NAV2: variants seen among roughly 807,000 people sequenced by gnomAD.
NAV2 encodes the protein helicase, APC down-regulated 1.
Under a neutral mutation model 223.2 loss-of-function variants are expected in NAV2, and 54 were observed. The observed-to-expected ratio is 0.24, with a 90% CI of 0.19 to 0.30. The LOEUF (loss-of-function observed/expected upper bound fraction) is 0.30. NAV2 is among the 10% of genes least tolerant of loss of function. The pLI is 1.00. For missense variants in NAV2, 2,806 were observed against 3,147.5 expected, an observed-to-expected ratio of 0.89 and a Z score of 2.60; for synonymous variants, 1,279 against 1,239.3, an observed-to-expected ratio of 1.03 and a Z score of -0.67.
intron 1 of NAV2, among the ~76,000 whole-genome samples, chr11:19,803,242 T>G (rs1192503815): frequency 1.3e-5 from 2 of 152,220 alleles, no homozygotes; most frequent in African/African-American, 4.8e-5. Context: ...GAATCACCAG[T>G]TTATCTGTTG....
intron 1 of NAV2, among the ~76,000 whole-genome samples, chr11:19,625,155 G>T (rs1410459546): frequency 6.6e-6 from 1 of 152,138 alleles, no homozygotes; most frequent in African/African-American, 2.4e-5. Context: ...TAGAACACTA[G>T]ACTTTATTTT....
At chr11:19,419,463 C>G (rs1850520030) in intron 1 of NAV2, among the ~76,000 whole-genome samples, 1 of 152,186 alleles carries the variant, frequency 6.6e-6, no homozygotes. Context: ...GAGGAGGTTG[C>G]TGCAGCAATC....
intron 7 of NAV2, among the ~76,000 whole-genome samples, chr11:19,937,451 T>G (rs2046007929): frequency 6.6e-6 from 1 of 152,122 alleles, no homozygotes. Flanking sequence ...TGAATTATAT[T>G]TATCAATTCA....
At chr11:19,835,354 C>G (rs1465747007) in intron 2 of NAV2, among the ~76,000 whole-genome samples, 1 of 152,226 alleles carries the variant, frequency 6.6e-6, no homozygotes, top group Non-Finnish European at 1.5e-5. Context: ...ATGTGACTCT[C>G]TCGCCAGACT....
At position 19,658,633 on chromosome 11, in the gene NAV2, T is replaced by C. The variant is rs1289282539; in HGVS notation, c.76-173851T>C. ...CTCTTACTGAGGGTAAGATTGGCTC[T>C]AGATCTGGGTGAGCCCCAGCAGTAT... On this transcript the variant is annotated intron_variant, in intron 1 of 37. Transcript: ENST00000360655. 2.6e-5 allele frequency among the ~76,000 whole-genome samples: 4 copies of C among 152,202 alleles called. No individual in the cohort carries two copies. In the East Asian group the frequency reaches 5.8e-4, roughly 22 times the overall value.
intron 1 of NAV2, among the ~76,000 whole-genome samples, chr11:19,459,503 C>T (rs78257575): frequency 7.9e-5 from 12 of 152,262 alleles, no homozygotes; most frequent in Admixed American, 5.9e-4. Flanking sequence ...ATCAGCCAGG[C>T]CTGGTCATGA....
chr11:20,087,974 T>C (rs2060564292), intron 26 of NAV2, among the ~76,000 whole-genome samples: 1 of 152,110 alleles, frequency 6.6e-6, no homozygotes, highest in South Asian at 2.1e-4. Flanking sequence ...ATTATGTAAA[T>C]GTGATCAGAT....
chr11:19,523,142 A>C (rs2043724825), intron 1 of NAV2, among the ~76,000 whole-genome samples: 1 of 152,202 alleles, frequency 6.6e-6, no homozygotes, highest in South Asian at 2.1e-4. Flanking sequence ...CTAGACTTCA[A>C]AGCTGAAGCT....
intron 1 of NAV2, among the ~76,000 whole-genome samples, chr11:19,581,994 G>T (rs1486964011): frequency 6.6e-6 from 1 of 152,174 alleles, no homozygotes; most frequent in Non-Finnish European, 1.5e-5. Context: ...GTGTAAAATT[G>T]TTCCTATTTC....
intron 1 of NAV2, among the ~76,000 whole-genome samples, chr11:19,463,911 A>G (rs978414606): frequency 6.6e-6 from 1 of 152,162 alleles, no homozygotes; most frequent in Non-Finnish European, 1.5e-5. Context: ...GACCCTCACC[A>G]TGCCCCAGGG....
chr11:19,398,196 G>A (rs1309853243), intron 1 of NAV2, among the ~76,000 whole-genome samples: 1 of 152,226 alleles, frequency 6.6e-6, no homozygotes, highest in African/African-American at 2.4e-5. Flanking sequence ...AAATCATGGC[G>A]GAAGGCAAAT....
In NAV2 at chr11:20,050,017, G is replaced by A. The variant is rs186773278; in HGVS notation, c.4436+116G>A. ...CCTAAGCCACCTGCTTGTGTTTGTG[G>A]CTCTAGTGTACTCTGTGACACATGG... is the stretch of plus-strand genomic sequence containing the variant. On this transcript the variant is annotated intron_variant, in intron 16 of 37. Transcript: ENST00000349880. 5.2e-4 allele frequency: 459 copies of A among 888,548 alleles called. 2 individuals are homozygous for A. In the African/African-American group the frequency reaches 6.7e-3, roughly 13 times the overall value. The allele number at this position is 888,548 out of a possible 1,614,324, so 55.0% of individuals were successfully genotyped here. A position where few individuals can be genotyped will look rare whatever the true frequency, so the allele number is the denominator to read the frequency against.
rs112393885 is a variant in NAV2 at position 20,110,310 on chromosome 11, G to T, written c.6960+2528G>T. Among the ~76,000 whole-genome samples the T allele has an allele frequency of 4.0e-3, 613 of 152,326 alleles. 5 individuals are homozygous for T. Among genetic ancestry groups the T allele is most frequent in the African/African-American group, 0.014 (582 of 41,576 alleles). ...CCCAAACTTGTGACCTCGCCATCCT[G>T]ATCAGCCCAGGAGACTGTATAGACT... On this transcript the variant is annotated intron_variant, in intron 36 of 37. Transcript: ENST00000349880.
At chr11:19,425,203 G>A (rs1409751531) in intron 1 of NAV2, among the ~76,000 whole-genome samples, 2 of 152,216 alleles carry the variant, frequency 1.3e-5, no homozygotes, top group Non-Finnish European at 2.9e-5. Context: ...GGTTAAGAAA[G>A]TGACTTTTGA....
intron 1 of NAV2, among the ~76,000 whole-genome samples, chr11:19,436,309 G>A (rs568711659): frequency 2.5e-4 from 38 of 152,194 alleles, no homozygotes; most frequent in African/African-American, 6.5e-4. Flanking sequence ...CCAGTTATCC[G>A]AAAATTGTTT....
intron 2 of NAV2, among the ~76,000 whole-genome samples, chr11:19,836,479 C>A (rs1032156969): frequency 4.0e-5 from 6 of 151,512 alleles, no homozygotes; most frequent in Non-Finnish European, 8.8e-5. Context: ...ATGGCGTGAA[C>A]CCGGGAAGCG....
At chr11:19,893,729 C>T (rs2041708428) in intron 6 of NAV2, among the ~76,000 whole-genome samples, 1 of 152,198 alleles carries the variant, frequency 6.6e-6, no homozygotes. Context: ...AACGCCATCA[C>T]CAGGATGTCT....
At chr11:20,012,678 A>AAAAAC (rs1225314459) in intron 11 of NAV2, among the ~76,000 whole-genome samples, 2 of 2,306 alleles carry the variant, frequency 8.7e-4, no homozygotes, top group African/African-American at 1.0e-3. Context: ...CCATCTCAAA[A>AAAAAC]AAAAAAAAAA....
chr11:19,924,397 C>T (rs1731312701), intron 6 of NAV2, among the ~76,000 whole-genome samples: 2 of 151,792 alleles, frequency 1.3e-5, no homozygotes, highest in Non-Finnish European at 2.9e-5. Flanking sequence ...CAAAATAAGC[C>T]ACTGAAGAAA....
Sources: gnomAD v4.1 joint callset for allele counts (sites outside exome capture counted in the v4.1 genomes callset) on GRCh38, gnomAD v4.1.1 for gene constraint, MANE v1.5 for transcripts, NCBI Gene and HGNC (gene_info 2026-07-23, HGNC 2026-07-21) for gene names.